Variants in MACC1 observed in about 807,000 individuals in gnomAD.
The protein encoded by MACC1 is MET transcriptional regulator MACC1.
Under a neutral mutation model 70.7 loss-of-function variants are expected in MACC1, and 79 were observed. That is an observed-to-expected ratio of 1.12 (90% confidence interval 0.93 to 1.35). MACC1 has a LOEUF of 1.35. MACC1 is among the 40% of genes most tolerant of loss of function. The pLI is 0.00. For missense variants in MACC1, 1,106 were observed against 978.1 expected, an observed-to-expected ratio of 1.13 and a Z score of -1.74; for synonymous variants, 361 against 347.2, an observed-to-expected ratio of 1.04 and a Z score of -0.44.
intron 4 of MACC1, 78 bp from the exon 5 acceptor site, chr7:20,160,323 T>A (rs769591230): frequency 2.1e-5 from 30 of 1,449,304 alleles, no homozygotes; most frequent in Non-Finnish European, 2.5e-5. Flanking sequence ...ATTTTTCCCA[T>A]AGCTTAAAAA....
intron 1 of MACC1, among the ~76,000 whole-genome samples, chr7:20,184,483 A>G (rs1464954450): frequency 6.6e-6 from 1 of 152,212 alleles, no homozygotes; most frequent in Non-Finnish European, 1.5e-5. Context: ...CTCATTATCA[A>G]ATAAACTCTT....
chr7:20,168,261 G>GT, intron 2 of MACC1, among the ~76,000 whole-genome samples: 1 of 99,630 alleles, frequency 1.0e-5, no homozygotes, highest in African/African-American at 3.8e-5. Context: ...TTATTCTTCA[G>GT]TAAAAAAAAA....
At chr7:20,149,275 T>C (rs1460396848) in intron 6 of MACC1, among the ~76,000 whole-genome samples, 1 of 152,086 alleles carries the variant, frequency 6.6e-6, no homozygotes, top group East Asian at 1.9e-4. Flanking sequence ...GTCACATTAC[T>C]AAAAAAACAG....
chr7:20,210,678 C>A (rs1019739903), intron 1 of MACC1, among the ~76,000 whole-genome samples: 1 of 152,164 alleles, frequency 6.6e-6, no homozygotes, highest in Non-Finnish European at 1.5e-5. Flanking sequence ...TCCCCAAGTA[C>A]ATCTCTTAGC....
chr7:20,182,085 G>A (rs867056079), intron 1 of MACC1, among the ~76,000 whole-genome samples: 16 of 149,354 alleles, frequency 1.1e-4, no homozygotes, highest in South Asian at 2.1e-4. Context: ...GCAAACTATC[G>A]CAAGGACAAA....
chr7:20,212,817 C>G (rs942350741), intron 1 of MACC1, among the ~76,000 whole-genome samples: 4 of 152,056 alleles, frequency 2.6e-5, no homozygotes, highest in Admixed American at 2.0e-4. Flanking sequence ...TCCAGAGGCT[C>G]AAACAGCAAA....
At chr7:20,199,955 GAATT>G (rs1445156998) in intron 1 of MACC1, among the ~76,000 whole-genome samples, 1 of 151,904 alleles carries the variant, frequency 6.6e-6, no homozygotes, top group African/African-American at 2.4e-5. Flanking sequence ...AGGCTCAAAT[GAATT>G]AGCCAAATCC....
At chr7:20,195,054 G>A (rs1231059548) in intron 1 of MACC1, among the ~76,000 whole-genome samples, 1 of 151,862 alleles carries the variant, frequency 6.6e-6, no homozygotes, top group Admixed American at 6.6e-5. Context: ...AAAGTCTGGG[G>A]ATAGGAAAAT....
chr7:20,156,217 A>C (rs1458707540), intron 5 of MACC1, among the ~76,000 whole-genome samples: 2 of 152,178 alleles, frequency 1.3e-5, no homozygotes, highest in African/African-American at 4.8e-5. Flanking sequence ...ATGCAAATAA[A>C]GTTTCAAGAG....
At position 20,141,072 on chromosome 7, in the gene MACC1, C is replaced by G; in HGVS notation, c.2433G>C (p.Gln811His). 6 of 1,613,770 alleles carry G rather than the reference C, an allele frequency of 3.7e-6. No homozygotes were observed. The highest frequency in any genetic ancestry group is 5.1e-6 in the Non-Finnish European group (6 of 1,179,782). The change falls in exon 7 of 7, where the codon CAG becomes CAC. Residue 811 changes from glutamine to histidine, a missense_variant. Gln to His is a conservative substitution (Grantham distance 24). Transcript: ENST00000400331. ...NNYRDVLQDLQSALDRMKNPV... is the reference protein window; with the variant it reads ...NNYRDVLQDLHSALDRMKNPV... ...GGTTTTTCATTCTGTCCAAAGCTGA[C>G]TGAAGGTCTTGTAACACATCTCTGT...
At chr7:20,187,793 G>A (rs1782611454) in intron 1 of MACC1, among the ~76,000 whole-genome samples, 1 of 152,016 alleles carries the variant, frequency 6.6e-6, no homozygotes, top group African/African-American at 2.4e-5. Flanking sequence ...CTCCCTTCTT[G>A]TGGAATCTCC....
Position 20,159,439 on chromosome 7 carries a change from T to C in MACC1, c.922A>G (p.Met308Val), listed in dbSNP as rs1205649351. Residue 308 changes from methionine to valine, a missense_variant, in exon 5 of 7, where the codon ATG (methionine) becomes GTG (valine). Coordinates refer to ENST00000400331, the MANE Select transcript of MACC1 (RefSeq NM_182762.4). ...KDPFSQVMTE[M>V]VCLHSLGKEG... Reference sequence around the variant, plus strand: ...TTACCCAAGCTGTGTAAACACACCATTTCTGTCATGACTTGGCTGAAAGGA... The same window carrying C: ...TTACCCAAGCTGTGTAAACACACCACTTCTGTCATGACTTGGCTGAAAGGA... 1 of 1,613,946 alleles carries C rather than the reference T, an allele frequency of 6.2e-7. No homozygotes were observed. The highest frequency in any genetic ancestry group is 1.3e-5 in the African/African-American group (1 of 74,948).
At chr7:20,143,325 T>C (rs6980121) in intron 6 of MACC1, among the ~76,000 whole-genome samples, 71,266 of 152,118 alleles carry the variant, frequency 0.47, 17,367 homozygotes, top group East Asian at 0.81. Context: ...CATCTACTCA[T>C]GCACTTACGC....
intron 1 of MACC1, among the ~76,000 whole-genome samples, chr7:20,184,495 G>C (rs553467651): frequency 6.6e-6 from 1 of 152,032 alleles, no homozygotes; most frequent in Non-Finnish European, 1.5e-5. Context: ...TAAACTCTTA[G>C]CTAACTACTT....
Position 20,158,710 on chromosome 7 carries a change from T to A in MACC1, c.1651A>T (p.Ser551Cys). 6.2e-7 allele frequency: 1 copy of A among 1,613,892 alleles called. No homozygotes were observed. The highest frequency in any genetic ancestry group is 8.5e-7 in the Non-Finnish European group (1 of 1,179,996). Residue 551 changes from serine (S) to cysteine (C), a missense_variant, in exon 5 of 7, where the codon AGC becomes TGC. Ser to Cys is a moderately radical substitution (Grantham distance 112, BLOSUM62 -1). Coordinates refer to ENST00000400331, the MANE Select transcript of MACC1 (RefSeq NM_182762.4). The part of the protein sequence containing the change: ...PTFQDKTLNF[S>C]NYGVTLKAVL... ...GCCTTCAGGGTTACCCCATAGTTGC[T>A]AAAGTTCAATGTTTTATCTTGAAAT... is the stretch of plus-strand genomic sequence containing the variant.
chr7:20,209,758 G>A (rs890129608), intron 1 of MACC1, among the ~76,000 whole-genome samples: 8 of 152,108 alleles, frequency 5.3e-5, no homozygotes, highest in Non-Finnish European at 1.0e-4. Flanking sequence ...GAAATGATAC[G>A]GTTGTGGCTG....
At position 20,135,587 on chromosome 7, in the gene MACC1, C is replaced by T. The variant is rs908828357; in HGVS notation, c.*5359G>A. The T allele has an allele frequency of 3.9e-5, 6 of 152,200 alleles. No homozygotes were observed. Among genetic ancestry groups the T allele is most frequent in the Non-Finnish European group, 5.9e-5 (4 of 68,042 alleles). The allele number at this position is 152,200 out of a possible 1,614,324, so 9.4% of individuals were successfully genotyped here. A position where few individuals can be genotyped will look rare whatever the true frequency, so the allele number is the denominator to read the frequency against. On this transcript the variant is annotated 3_prime_UTR_variant, in exon 7 of 7. Transcript: ENST00000400331. ...TAGAAATGCAAGTGATCAGGCCAGA[C>T]CCTCTGAATGAGAAATTCTGGTGGT...
chr7:20,147,005 A>T (rs1270209520), intron 6 of MACC1, among the ~76,000 whole-genome samples: 1 of 152,222 alleles, frequency 6.6e-6, no homozygotes, highest in East Asian at 1.9e-4. Context: ...CAGCAGCGTG[A>T]GTAAGTATTT....
chr7:20,187,517 G>A (rs1409117833), intron 1 of MACC1, among the ~76,000 whole-genome samples: 1 of 152,130 alleles, frequency 6.6e-6, no homozygotes, highest in African/African-American at 2.4e-5. Flanking sequence ...TAAACTCCAA[G>A]GACAGTCAGA....
Sources: gnomAD v4.1 joint callset for allele counts (sites outside exome capture counted in the v4.1 genomes callset) on GRCh38, gnomAD v4.1.1 for gene constraint, MANE v1.5 for transcripts, NCBI Gene and HGNC (gene_info 2026-07-23, HGNC 2026-07-21) for gene names.